The following KMT2C variants were observed in gnomAD, a reference collection of about 807,000 sequenced individuals.
KMT2C encodes lysine methyltransferase 2C, also known as histone-lysine N-methyltransferase 2C.
A neutral mutation model predicts 507.9 loss-of-function variants in KMT2C; 88 were observed. The observed-to-expected ratio is 0.17, with a 90% CI of 0.15 to 0.21. The LOEUF is 0.21. KMT2C is among the 10% of genes least tolerant of loss of function. The pLI, the probability that KMT2C is intolerant of heterozygous loss-of-function variation, is 1.00. For synonymous variants in KMT2C, 2,049 were observed against 2,080.8 expected (o/e 0.98, Z 0.42); for missense variants, 4,954 against 5,957.8 (o/e 0.83, Z 5.55).
chr7:152,243,798 T>C (rs1442086624), intron 14 of KMT2C, among the ~76,000 whole-genome samples: 1 of 151,740 alleles, frequency 6.6e-6, no homozygotes, highest in East Asian at 1.9e-4. Flanking sequence ...AACAGATAAA[T>C]AAGTAAAAAT....
chr7:152,312,292 G>A (rs574735564), intron 4 of KMT2C: 1 of 161,510 alleles, frequency 6.2e-6, no homozygotes, highest in Admixed American at 6.4e-5. Flanking sequence ...TATTTCCTTT[G>A]GCTTTACTTA....
rs184690078 is a variant in KMT2C, at chr7:152,418,772, T to C, written c.161+16854A>G. 4.1e-3 allele frequency among the ~76,000 whole-genome samples: 630 copies of C among 152,122 alleles called. 3 individuals carry two copies. The highest frequency in any genetic ancestry group is 7.3e-3 in the Non-Finnish European group (497 of 68,014). ...GAAAATTAAGCACCCTTCAAAAATG[T>C]TATAAAAGATTAACAATACGGAAAT... On this transcript the variant is annotated intron_variant, in intron 1 of 58. Transcript: ENST00000262189.
At chr7:152,376,621 A>G (rs976761035) in intron 1 of KMT2C, among the ~76,000 whole-genome samples, 3 of 152,242 alleles carry the variant, frequency 2.0e-5, no homozygotes, top group African/African-American at 4.8e-5. Context: ...CTTCAATTCT[A>G]TGAAGGCTGA....
chr7:152,260,187 C>T (rs760764090), intron 9 of KMT2C, among the ~76,000 whole-genome samples: 6 of 152,174 alleles, frequency 3.9e-5, no homozygotes, highest in Non-Finnish European at 5.9e-5. Context: ...CTTTGAACCA[C>T]CACACTATAG....
At chr7:152,303,128 T>C (rs544638769) in intron 6 of KMT2C, among the ~76,000 whole-genome samples, 1 of 152,322 alleles carries the variant, frequency 6.6e-6, no homozygotes, top group East Asian at 1.9e-4. Flanking sequence ...CTGTTTGCCA[T>C]GTTCTTTTCT....
Position 152,162,155 on chromosome 7 carries a change from T to A in KMT2C, c.11422A>T (p.Asn3808Tyr), listed in dbSNP as rs201156520. 4 of 1,591,304 alleles carry A rather than the reference T, an allele frequency of 2.5e-6. No homozygotes were observed. The African/African-American group carries it at 5.4e-5, about 22-fold the overall frequency. ...ICSEDDCTKD[N>Y]KLVEKQNPAE... ...GGGTTCTGCTTCTCAACTAGTTTATTATCCTTTGTACAGTCATCTTCTGAA... is the reference window on the plus strand; with the variant it reads ...GGGTTCTGCTTCTCAACTAGTTTATAATCCTTTGTACAGTCATCTTCTGAA... Residue 3808 changes from asparagine to tyrosine, a missense_variant, in exon 43 of 59, where the codon AAT becomes TAT. Physicochemically the swap from Asn to Tyr is moderately radical, Grantham distance 143. Around this residue, in one of 29 missense-constraint regions of KMT2C, gnomAD observed 801 missense variants for 751.2 expected, o/e 1.07. Transcript: ENST00000262189.
intron 2 of KMT2C, among the ~76,000 whole-genome samples, chr7:152,347,030 A>G (rs1311313483): frequency 6.6e-6 from 1 of 152,224 alleles, no homozygotes; most frequent in Non-Finnish European, 1.5e-5. Flanking sequence ...AGGCTGAGGC[A>G]GGAGAATCGC....
intron 14 of KMT2C, among the ~76,000 whole-genome samples, chr7:152,246,664 A>C (rs1239950314): frequency 2.6e-5 from 4 of 152,118 alleles, no homozygotes; most frequent in Non-Finnish European, 4.4e-5. Context: ...GAACAACATA[A>C]TTATTATATA....
intron 1 of KMT2C, among the ~76,000 whole-genome samples, chr7:152,396,889 A>G (rs2097541180): frequency 6.6e-6 from 1 of 152,226 alleles, no homozygotes; most frequent in African/African-American, 2.4e-5. Flanking sequence ...AGAACTTTAC[A>G]TCTAGGAATT....
chr7:152,375,300 C>G (rs2097320052), intron 1 of KMT2C, among the ~76,000 whole-genome samples: 1 of 151,146 alleles, frequency 6.6e-6, no homozygotes, highest in Non-Finnish European at 1.5e-5. Flanking sequence ...CCTCGGCCTC[C>G]CAAAGTGCTG....
rs942136835 is a variant in KMT2C, at chr7:152,208,849, G to A, written c.3713-1421C>T. ...CCATAACAATCTGATAATGGCTATC[G>A]GCTTATGACTAAGCCATGAAAAGAA... On this transcript the variant is annotated intron_variant, in intron 23 of 58. Coordinates refer to ENST00000262189, the MANE Select transcript of KMT2C (RefSeq NM_170606.3). 1.2e-4 allele frequency among the ~76,000 whole-genome samples: 18 copies of A among 152,160 alleles called. No homozygotes were observed. In the South Asian group the frequency reaches 1.2e-3, roughly 11 times the overall value.
rs574173022 is a variant in KMT2C, at chr7:152,183,857, T to C, written c.5083-701A>G. On this transcript the variant is annotated intron_variant, in intron 34 of 58. Coordinates refer to ENST00000262189, the MANE Select transcript of KMT2C (RefSeq NM_170606.3). ...GTTGTGGTGAGCCAAGATTGCGCCA[T>C]TGCACTCCAGCCTGGGCAACAAGAG... Among the ~76,000 whole-genome samples, 173 of 151,242 alleles carry C rather than the reference T, an allele frequency of 1.1e-3. 1 individual carries two copies. The highest frequency in any genetic ancestry group is 9.0e-3 in the South Asian group (43 of 4,794).
intron 33 of KMT2C, 86 bp from the exon 34 acceptor site, chr7:152,185,717 G>A: frequency 3.0e-6 from 3 of 987,492 alleles, no homozygotes; most frequent in Middle Eastern, 3.1e-4. Context: ...ACTGCTGACA[G>A]TTAATCTTAT....
intron 1 of KMT2C, among the ~76,000 whole-genome samples, chr7:152,412,104 G>A (rs948190809): frequency 1.3e-5 from 2 of 152,232 alleles, no homozygotes; most frequent in African/African-American, 4.8e-5. Context: ...CAAGTCTAAT[G>A]AAGATGTTGC....
chr7:152,165,307 G>C (rs905174996), intron 42 of KMT2C, among the ~76,000 whole-genome samples: 4 of 152,176 alleles, frequency 2.6e-5, no homozygotes, highest in African/African-American at 9.7e-5. Flanking sequence ...CTATGTAATA[G>C]ATGATGTATC....
At chr7:152,422,284 TAAAAAAAA>T (rs11423616) in intron 1 of KMT2C, among the ~76,000 whole-genome samples, 1 of 97,402 alleles carries the variant, frequency 1.0e-5, no homozygotes, top group African/African-American at 3.8e-5. Flanking sequence ...CAGTCTCTAC[TAAAAAAAA>T]AAAAAAAAAA....
chr7:152,187,519 C>T (rs1385917718), intron 32 of KMT2C, 43 bp from the exon 33 acceptor site: 2 of 1,523,026 alleles, frequency 1.3e-6, no homozygotes, highest in African/African-American at 1.4e-5. Context: ...CATAAAATAA[C>T]TTCTTAATAT....
At chr7:152,408,501 C>T (rs1252184046) in intron 1 of KMT2C, among the ~76,000 whole-genome samples, 3 of 152,226 alleles carry the variant, frequency 2.0e-5, no homozygotes, top group Non-Finnish European at 4.4e-5. Context: ...GGAACCAGGC[C>T]ACACAGCAGG....
chr7:152,381,462 C>CCCATGACAT (rs2097373588), intron 1 of KMT2C, among the ~76,000 whole-genome samples: 1 of 152,068 alleles, frequency 6.6e-6, no homozygotes, highest in African/African-American at 2.4e-5. Flanking sequence ...AAGGAATTAG[C>CCCATGACAT]TAGTCCAAAA....
Sources: gnomAD v4.1 joint callset for allele counts (sites outside exome capture counted in the v4.1 genomes callset) on GRCh38, gnomAD v4.1.1 for gene constraint, gnomAD v4.1.1 regional missense constraint, MANE v1.5 for transcripts, NCBI Gene and HGNC (gene_info 2026-07-23, HGNC 2026-07-21) for gene names.